Variants in PARD3B observed in about 807,000 individuals in gnomAD.
The protein encoded by PARD3B is partitioning defective 3 homolog B.
PARD3B carries 103 observed loss-of-function variants against 130.2 expected under a neutral mutation model. That is an observed-to-expected ratio of 0.79 (90% CI 0.67 to 0.93). The LOEUF (loss-of-function observed/expected upper bound fraction) is 0.93. Ranked by LOEUF, PARD3B falls within the 40% of genes least tolerant of loss-of-function variation. PARD3B has a pLI of 0.00. For synonymous variants in PARD3B, 583 were observed against 553.2 expected, an observed-to-expected ratio of 1.05 and a Z score of -0.76; for missense variants, 1,609 against 1,499.2, an observed-to-expected ratio of 1.07 and a Z score of -1.21.
intron 15 of PARD3B, among the ~76,000 whole-genome samples, chr2:205,220,444 A>G (rs1176260028): frequency 6.6e-6 from 1 of 152,110 alleles, no homozygotes; most frequent in Admixed American, 6.5e-5. Flanking sequence ...GAAAAGCCCA[A>G]TCCATGGGCT....
Position 204,669,178 on chromosome 2 carries a change from C to T in PARD3B, c.121-17003C>T, listed in dbSNP as rs900588715. The stretch of plus-strand genomic sequence containing the variant: ...AATTTGTAACCGGAGAAATAGGAAA[C>T]CAGTAGAACCCTTCTTTATTTCAGT... On this transcript the variant is annotated intron_variant, in intron 1 of 22. Transcript: ENST00000406610. This position sits in a 1 kb window ranked among gnomAD's most constrained non-coding sequence, Gnocchi z 4.3. 2.0e-5 allele frequency among the ~76,000 whole-genome samples: 3 copies of T among 152,080 alleles called. No homozygotes were observed. Among genetic ancestry groups the T allele is most frequent in the Non-Finnish European group, 4.4e-5 (3 of 67,998 alleles).
intron 2 of PARD3B, among the ~76,000 whole-genome samples, chr2:204,964,500 G>T (rs926828312): frequency 1.3e-5 from 2 of 152,160 alleles, no homozygotes; most frequent in African/African-American, 4.8e-5. Flanking sequence ...AGGATGTCGA[G>T]TCTTATTGGA....
chr2:204,761,240 A>G (rs2040885212), intron 2 of PARD3B, among the ~76,000 whole-genome samples: 1 of 152,172 alleles, frequency 6.6e-6, no homozygotes, highest in Admixed American at 6.6e-5. Flanking sequence ...AATTTATTTT[A>G]GTGTTTCATC....
At chr2:205,224,698 T>C (rs1156870975) in intron 15 of PARD3B, among the ~76,000 whole-genome samples, 1 of 152,106 alleles carries the variant, frequency 6.6e-6, no homozygotes, top group Non-Finnish European at 1.5e-5. Context: ...GCCTGGCTTA[T>C]TTCATTTAAC....
intron 18 of PARD3B, among the ~76,000 whole-genome samples, chr2:205,355,865 G>C (rs1318443993): frequency 6.6e-6 from 1 of 152,082 alleles, no homozygotes; most frequent in Non-Finnish European, 1.5e-5. Context: ...CCAAGGGAAG[G>C]GGGAAGAGCC....
At chr2:205,113,221 G>A (rs561231044) in intron 5 of PARD3B, among the ~76,000 whole-genome samples, 6 of 152,252 alleles carry the variant, frequency 3.9e-5, no homozygotes, top group Admixed American at 3.9e-4. Flanking sequence ...ATTAAGTTAA[G>A]TAGGAAGTTA....
intron 16 of PARD3B, among the ~76,000 whole-genome samples, chr2:205,275,172 G>A (rs1025288292): frequency 2.0e-5 from 3 of 151,560 alleles, no homozygotes; most frequent in African/African-American, 7.3e-5. Context: ...GCTTCTTTCG[G>A]TGCCCTGTTG....
chr2:205,307,258 C>T (rs1006578419), intron 18 of PARD3B, among the ~76,000 whole-genome samples: 2 of 152,092 alleles, frequency 1.3e-5, no homozygotes, highest in African/African-American at 4.8e-5. Context: ...TACTCTTGAT[C>T]CTTTTGAAAA....
rs1575332268 is a variant in PARD3B at position 205,550,822 on chromosome 2, G to A, written c.3181-2502G>A. ...TATATGCATATTTATATGTATATATGTATATTTTATGTATATTTGAATATT... is the reference window on the plus strand; with the variant it reads ...TATATGCATATTTATATGTATATATATATATTTTATGTATATTTGAATATT... On this transcript the variant is annotated intron_variant, in intron 21 of 22. Coordinates refer to ENST00000406610, the MANE Select transcript of PARD3B (RefSeq NM_001302769.2). The surrounding 1 kb of genome is among the most constrained non-coding windows in gnomAD (Gnocchi z 4.5). Among the ~76,000 whole-genome samples, 1 of 147,798 alleles carries A rather than the reference G, an allele frequency of 6.8e-6. No homozygotes were observed. The highest frequency in any genetic ancestry group is 2.0e-4 in the East Asian group (1 of 5,094).
At position 205,473,269 on chromosome 2, in the gene PARD3B, C is replaced by T. The variant is rs530801602; in HGVS notation, c.3045-26627C>T. ...CTGATTTCATAAATTTAGCATATTA[C>T]GCATTGCAGCATTCTGCCTTTCATA... On this transcript the variant is annotated intron_variant, in intron 20 of 22. Coordinates refer to ENST00000406610, the MANE Select transcript of PARD3B (RefSeq NM_001302769.2). This position sits in a 1 kb window ranked among gnomAD's most constrained non-coding sequence, Gnocchi z 4.9. 1.4e-4 allele frequency among the ~76,000 whole-genome samples: 22 copies of T among 152,168 alleles called. No individual in the cohort carries two copies. The highest frequency in any genetic ancestry group is 3.9e-4 in the African/African-American group (16 of 41,532).
At chr2:204,830,955 C>G (rs1030788876) in intron 2 of PARD3B, among the ~76,000 whole-genome samples, 1 of 152,174 alleles carries the variant, frequency 6.6e-6, no homozygotes, top group South Asian at 2.1e-4. Flanking sequence ...TTAATCCCAA[C>G]TATCATTGCT....
intron 3 of PARD3B, among the ~76,000 whole-genome samples, chr2:204,975,486 C>T (rs1036680072): frequency 1.5e-4 from 23 of 152,156 alleles, no homozygotes; most frequent in African/African-American, 5.1e-4. Context: ...ACTCTTTTAA[C>T]GGTAGGTGGT....
In PARD3B at chr2:204,634,084, TCTAA is replaced by T. The variant is rs933554856; in HGVS notation, c.121-52093_121-52090del. On this transcript the variant is annotated intron_variant, in intron 1 of 22. Coordinates refer to ENST00000406610, the MANE Select transcript of PARD3B (RefSeq NM_001302769.2). ...CAAATAGTAGGCCTTATTCATTCTT[TCTAA>T]CTATTTTTTTGTACCTATTAGCCAT... Among the ~76,000 whole-genome samples, 16 of 152,288 alleles carry T rather than the reference TCTAA, an allele frequency of 1.1e-4. No individual in the cohort carries two copies. In the South Asian group the frequency reaches 1.9e-3, roughly 18 times the overall value.
intron 16 of PARD3B, among the ~76,000 whole-genome samples, chr2:205,264,928 C>T (rs2040447961): frequency 6.6e-6 from 1 of 150,930 alleles, no homozygotes; most frequent in Admixed American, 6.6e-5. Context: ...CTATTGTAAA[C>T]TGGTGATTCC....
intron 1 of PARD3B, among the ~76,000 whole-genome samples, chr2:204,584,397 A>G (rs1314148264): frequency 6.6e-6 from 1 of 152,232 alleles, no homozygotes; most frequent in Non-Finnish European, 1.5e-5. Context: ...GAAGATAGCT[A>G]GTAACAGCTA....
chr2:204,742,642 C>T (rs990044869), intron 2 of PARD3B, among the ~76,000 whole-genome samples: 1 of 152,158 alleles, frequency 6.6e-6, no homozygotes, highest in Non-Finnish European at 1.5e-5. Context: ...TGATTCTTCT[C>T]ATTGATACCT....
intron 10 of PARD3B, among the ~76,000 whole-genome samples, chr2:205,154,977 G>A (rs2034018409): frequency 6.6e-6 from 1 of 151,906 alleles, no homozygotes; most frequent in Non-Finnish European, 1.5e-5. Flanking sequence ...ACACCAACAT[G>A]GCACATGTAT....
intron 1 of PARD3B, among the ~76,000 whole-genome samples, chr2:204,671,782 A>C (rs1265722337): frequency 2.6e-5 from 4 of 152,208 alleles, no homozygotes; most frequent in Non-Finnish European, 5.9e-5. Flanking sequence ...TTTCAAAACA[A>C]TAAAGATGAA....
At chr2:205,404,329 T>A (rs2046349595) in intron 19 of PARD3B, among the ~76,000 whole-genome samples, 1 of 152,196 alleles carries the variant, frequency 6.6e-6, no homozygotes, top group African/African-American at 2.4e-5. Flanking sequence ...AATCTAGAGA[T>A]GATTTAAAGT....
Sources: gnomAD v4.1 joint callset for allele counts (sites outside exome capture counted in the v4.1 genomes callset) on GRCh38, gnomAD v4.1.1 for gene constraint, Gnocchi (gnomAD v3.1) non-coding constraint, MANE v1.5 for transcripts, NCBI Gene and HGNC (gene_info 2026-07-23, HGNC 2026-07-21) for gene names.